Variants in TAOK1 observed in about 807,000 individuals in gnomAD.
TAOK1 encodes TAO kinase 1, also known as serine/threonine-protein kinase TAO1.
Under a neutral mutation model 138.3 loss-of-function variants are expected in TAOK1, and 21 were observed. That is an observed-to-expected ratio of 0.15 (90% CI 0.11 to 0.22). The LOEUF (loss-of-function observed/expected upper bound fraction) is 0.22. Among genes scored for constraint, TAOK1 ranks in the 10% least tolerant of loss-of-function variants. TAOK1 has a pLI of 1.00. For missense variants in TAOK1, 651 were observed against 1,227.7 expected, an observed-to-expected ratio of 0.53 and a Z score of 7.02; for synonymous variants, 361 against 398.4, an observed-to-expected ratio of 0.91 and a Z score of 1.12.
chr17:29,516,758 C>T (rs1384095897), intron 15 of TAOK1, among the ~76,000 whole-genome samples: 1 of 152,090 alleles, frequency 6.6e-6, no homozygotes, highest in Non-Finnish European at 1.5e-5. Flanking sequence ...GCCTCAGCCT[C>T]CCAAAGTGCT....
chr17:29,488,856 G>A (rs973502425), intron 8 of TAOK1, among the ~76,000 whole-genome samples: 3 of 152,018 alleles, frequency 2.0e-5, no homozygotes, highest in Non-Finnish European at 4.4e-5. Flanking sequence ...ATAGAAAACT[G>A]AAAAACAGTA....
At chr17:29,475,164 C>T (rs1271394327) in intron 3 of TAOK1, among the ~76,000 whole-genome samples, 1 of 152,208 alleles carries the variant, frequency 6.6e-6, no homozygotes, top group East Asian at 1.9e-4. Context: ...TGGTCTCAAT[C>T]TCCTGACCTT....
chr17:29,500,395 A>G (rs1416313732), intron 12 of TAOK1, among the ~76,000 whole-genome samples: 1 of 152,144 alleles, frequency 6.6e-6, no homozygotes, highest in Non-Finnish European at 1.5e-5. Context: ...AGTAGGTACA[A>G]TGGCTAAAAG....
rs143142985 is a variant in TAOK1, at chr17:29,414,848, C to T, written c.-95+23824C>T. On this transcript the variant is annotated intron_variant, in intron 1 of 19. Coordinates refer to ENST00000261716, the MANE Select transcript of TAOK1 (RefSeq NM_020791.4). ...TGCTAGGATTACAGGCGTGAGCCAC[C>T]GCACCCTGCCTACTTTATTTTTGTT... Among the ~76,000 whole-genome samples the T allele has an allele frequency of 7.2e-5, 11 of 152,262 alleles. No homozygotes were observed. In the East Asian group the frequency reaches 1.7e-3, roughly 24 times the overall value.
intron 1 of TAOK1, among the ~76,000 whole-genome samples, chr17:29,404,571 C>A (rs142334190): frequency 6.6e-6 from 1 of 152,158 alleles, no homozygotes; most frequent in African/African-American, 2.4e-5. Flanking sequence ...ACAAGGGGAT[C>A]GCTTGAGCCC....
At chr17:29,512,141 T>TC (rs1417627140) in intron 15 of TAOK1, 1 of 99,476 alleles carries the variant, frequency 1.0e-5, no homozygotes, top group Non-Finnish European at 2.0e-5. Flanking sequence ...CAGCCTCCCC[T>TC]CCCCCCAGGT....
intron 12 of TAOK1, among the ~76,000 whole-genome samples, chr17:29,499,560 CTTTCTTTTTTT>C (rs1489213860): frequency 2.7e-5 from 3 of 109,158 alleles, no homozygotes; most frequent in South Asian, 2.9e-4. Flanking sequence ...TTCTTTCTTT[CTTTCTTTTTTT>C]TTTTTGAGAC....
Position 29,399,660 on chromosome 17 carries a change from A to G in TAOK1, c.-95+8636A>G, listed in dbSNP as rs558919514. Among the ~76,000 whole-genome samples the G allele has an allele frequency of 5.9e-5, 9 of 152,290 alleles. No individual in the cohort carries two copies. The South Asian group carries it at 1.9e-3, about 32-fold the overall frequency. ...GAGTCTGACATACATTTTTGAAAGA[A>G]ATAGTTAGAATATCAAGGTAGCTTA... On this transcript the variant is annotated intron_variant, in intron 1 of 19. Transcript: ENST00000261716.
At position 29,468,135 on chromosome 17, in the gene TAOK1, A is replaced by T. The variant is rs1351525291; in HGVS notation, c.204+919A>T. Among the ~76,000 whole-genome samples, 23 of 76,058 alleles carry T rather than the reference A, an allele frequency of 3.0e-4. 1 individual carries two copies. Among genetic ancestry groups the T allele is most frequent in the South Asian group, 1.4e-3 (3 of 2,204 alleles). 49.9% of individuals were successfully genotyped at this position (76,058 alleles called of 152,430 possible). On this transcript the variant is annotated intron_variant, in intron 3 of 19. Coordinates refer to ENST00000261716, the MANE Select transcript of TAOK1 (RefSeq NM_020791.4). ...AACCACTGTGCTTGGCCTGCTTTCA[A>T]TTTTTTTTTTTTTTTTTAGGAGCTG...
At chr17:29,451,790 AC>A in intron 2 of TAOK1, 110 bp downstream of exon 2, 5 of 1,295,792 alleles carry the variant, frequency 3.9e-6, no homozygotes, top group Non-Finnish European at 5.2e-6. Context: ...TTTTATAGTC[AC>A]TTGCATAGGG....
chr17:29,540,770 A>G (rs964591569), intron 19 of TAOK1, among the ~76,000 whole-genome samples: 1 of 151,840 alleles, frequency 6.6e-6, no homozygotes, highest in Non-Finnish European at 1.5e-5. Flanking sequence ...GGGTTTCTCC[A>G]TGTTGGTCAG....
chr17:29,472,804 G>A (rs899893706), intron 3 of TAOK1, among the ~76,000 whole-genome samples: 1 of 151,748 alleles, frequency 6.6e-6, no homozygotes, highest in African/African-American at 2.4e-5. Flanking sequence ...CTGAACTCCC[G>A]ACCTCAGGTG....
chr17:29,488,209 T>C (rs529675618), intron 8 of TAOK1, among the ~76,000 whole-genome samples: 3 of 152,320 alleles, frequency 2.0e-5, no homozygotes, highest in African/African-American at 7.2e-5. Flanking sequence ...CCATATACTT[T>C]GAATAATCTC....
chr17:29,502,570 C>CTT lies in TAOK1; in HGVS notation c.1204-7_1204-6dup, dbSNP rs367720840. On this transcript the variant is annotated intron_variant, in intron 12 of 19. Coordinates refer to ENST00000261716, the MANE Select transcript of TAOK1 (RefSeq NM_020791.4). ...AACTGTTCACCTTACATAATATTGT[C>CTT]TTTTTTTTTTTTTCCTAGGAGGAAG... 7.6e-5 allele frequency: 98 copies of CTT among 1,293,242 alleles called. No individual in the cohort carries two copies. The highest frequency in any genetic ancestry group is 2.0e-4 in the Middle Eastern group (1 of 5,030). 80.1% of individuals were successfully genotyped at this position (1,293,242 alleles called of 1,614,324 possible). A position where few individuals can be genotyped will look rare whatever the true frequency, so the allele number is the denominator to read the frequency against.
chr17:29,397,816 T>C (rs555861329), intron 1 of TAOK1, among the ~76,000 whole-genome samples: 1 of 150,594 alleles, frequency 6.6e-6, no homozygotes, highest in African/African-American at 2.5e-5. Flanking sequence ...TGTATATATG[T>C]ATATACATGT....
Position 29,549,340 on chromosome 17 carries a change from C to G in TAOK1, c.*6318C>G, listed in dbSNP as rs935182282. ...AACCCTCAGTTGTATGCTTTCAGTA[C>G]TCGTGTTAATATGTTTCTATGGCAA... On this transcript the variant is annotated 3_prime_UTR_variant, in exon 20 of 20. Transcript: ENST00000261716. 1.2e-4 allele frequency: 18 copies of G among 152,154 alleles called. No individual in the cohort carries two copies. Among genetic ancestry groups the G allele is most frequent in the African/African-American group, 3.6e-4 (15 of 41,428 alleles). The allele number at this position is 152,154 out of a possible 1,614,324, so 9.4% of individuals were successfully genotyped here.
intron 2 of TAOK1, among the ~76,000 whole-genome samples, chr17:29,454,503 A>G (rs756111572): frequency 1.4e-4 from 22 of 152,102 alleles, no homozygotes; most frequent in Non-Finnish European, 2.9e-4. Flanking sequence ...GAATTTTGAT[A>G]GGGATTGTGT....
chr17:29,499,498 C>A (rs1467048005), intron 12 of TAOK1, among the ~76,000 whole-genome samples: 2 of 151,686 alleles, frequency 1.3e-5, no homozygotes, highest in African/African-American at 4.8e-5. Context: ...TCCCAAAGTG[C>A]TGGGATTACA....
chr17:29,394,168 T>TTTTTG, intron 1 of TAOK1, among the ~76,000 whole-genome samples: 1 of 126,790 alleles, frequency 7.9e-6, no homozygotes, highest in Non-Finnish European at 1.7e-5. Context: ...TTTTTTTTTT[T>TTTTTG]TTTTTTTTTT....
Sources: gnomAD v4.1 joint callset for allele counts (sites outside exome capture counted in the v4.1 genomes callset) on GRCh38, gnomAD v4.1.1 for gene constraint, MANE v1.5 for transcripts, NCBI Gene and HGNC (gene_info 2026-07-23, HGNC 2026-07-21) for gene names.